SGSM2: variants seen among roughly 807,000 people sequenced by gnomAD.
The protein encoded by SGSM2 is RUN and TBC1 domain containing 1.
In SGSM2, 89 loss-of-function variants were observed where a neutral mutation model predicts 126.6. The observed-to-expected ratio is 0.70, with a 90% CI of 0.59 to 0.84. The LOEUF (loss-of-function observed/expected upper bound fraction) is 0.84. Among genes scored for constraint, SGSM2 ranks in the 40% least tolerant of loss-of-function variants. The pLI is 0.00. For synonymous variants in SGSM2, 614 were observed against 574.3 expected, an observed-to-expected ratio of 1.07 and a Z score of -0.99; for missense variants, 1,404 against 1,416.6, an observed-to-expected ratio of 0.99 and a Z score of 0.14.
Position 2,363,217 on chromosome 17 carries a change from G to A in SGSM2, c.672+83G>A. On this transcript the variant is annotated intron_variant, in intron 6 of 23. Transcript: ENST00000268989. The surrounding 1 kb of genome is among the most constrained non-coding windows in gnomAD (Gnocchi z 4.2). The stretch of plus-strand genomic sequence containing the variant: ...GGACGGGAAACCGGCCTCTCTACGG[G>A]ACAGGCCTTGGAGATGCCCCAAGGT... The A allele has an allele frequency of 6.7e-7, 1 of 1,481,810 alleles. No homozygotes were observed. The highest frequency in any genetic ancestry group is 9.0e-7 in the Non-Finnish European group (1 of 1,113,708). The allele number at this position is 1,481,810 out of a possible 1,614,324, so 91.8% of individuals were successfully genotyped here. A position where few individuals can be genotyped will look rare whatever the true frequency, so the allele number is the denominator to read the frequency against.
intron 2 of SGSM2, among the ~76,000 whole-genome samples, chr17:2,350,788 C>T (rs2064812229): frequency 6.6e-6 from 1 of 152,194 alleles, no homozygotes; most frequent in Non-Finnish European, 1.5e-5. Flanking sequence ...CTGCATTCAT[C>T]AGTCCCCTTC....
Position 2,362,360 on chromosome 17 carries a change from T to C in SGSM2, c.458+90T>C. 2.2e-6 allele frequency: 3 copies of C among 1,371,600 alleles called. No homozygotes were observed. Among genetic ancestry groups the C allele is most frequent in the Non-Finnish European group, 2.9e-6 (3 of 1,028,118 alleles). 85.0% of individuals were successfully genotyped at this position (1,371,600 alleles called of 1,614,324 possible). A position where few individuals can be genotyped will look rare whatever the true frequency, so the allele number is the denominator to read the frequency against. The stretch of plus-strand genomic sequence containing the variant: ...CGCCCCGTTCCCCAAAAACTGCAGG[T>C]GACCGCCCCGTTCCCCAAAAACTGC... On this transcript the variant is annotated intron_variant, in intron 4 of 23. Transcript: ENST00000268989. This position sits in a 1 kb window ranked among gnomAD's most constrained non-coding sequence, Gnocchi z 4.9.
intron 2 of SGSM2, among the ~76,000 whole-genome samples, chr17:2,358,908 G>A (rs1318246747): frequency 7.6e-6 from 1 of 131,952 alleles, no homozygotes. Context: ...ACAAAGTCTC[G>A]CTGTGTTCCC....
Position 2,347,484 on chromosome 17 carries a change from CCTTTTTATCTT to C in SGSM2, c.133+3865_133+3875del, listed in dbSNP as rs2064650547. 1.1e-4 allele frequency among the ~76,000 whole-genome samples: 16 copies of C among 150,722 alleles called. No homozygotes were observed. The South Asian group carries it at 3.2e-3, about 30-fold the overall frequency. ...AGAGGTCTTTGATATATCCTTTTAT[CCTTTTTATCTT>C]AAAACATCACATCAAGTTTACATTT... is the stretch of plus-strand genomic sequence containing the variant. On this transcript the variant is annotated intron_variant, in intron 2 of 23. Coordinates refer to ENST00000268989, the MANE Select transcript of SGSM2 (RefSeq NM_014853.3).
rs1258488637 is a variant in SGSM2 at position 2,378,951 on chromosome 17, T to C, written c.2900-85T>C. The C allele has an allele frequency of 6.1e-6, 9 of 1,479,332 alleles. No individual in the cohort carries two copies. The East Asian group carries it at 2.2e-4, about 37-fold the overall frequency. The allele number at this position is 1,479,332 out of a possible 1,614,324, so 91.6% of individuals were successfully genotyped here. Reference sequence around the variant, plus strand: ...CTCAGCCTCAGCCTCAGCCCCAGCCTCAATCCCAGCCTCAGCCTCAATCCC... The same window carrying C: ...CTCAGCCTCAGCCTCAGCCCCAGCCCCAATCCCAGCCTCAGCCTCAATCCC... On this transcript the variant is annotated intron_variant, in intron 22 of 23. Transcript: ENST00000268989.
chr17:2,376,172 C>T lies in SGSM2; in HGVS notation c.2520C>T (p.His840=), dbSNP rs777143941. The change falls in exon 19 of 24, where the codon CAC becomes CAT. Residue 840 remains histidine (H), a synonymous_variant. Coordinates refer to ENST00000268989, the MANE Select transcript of SGSM2 (RefSeq NM_014853.3). ...ELLDTVALNL[H]RIDKDVQRCD... ...TGGACACTGTGGCCTTAAACCTGCA[C>T]CGCATAGACAAGGATGTGCAGAGGT... The T allele has an allele frequency of 3.0e-5, 48 of 1,614,144 alleles. No individual in the cohort carries two copies. Among genetic ancestry groups the T allele is most frequent in the Non-Finnish European group, 3.9e-5 (46 of 1,180,028 alleles).
chr17:2,361,544 CCCTTG>C (rs2065308580), intron 2 of SGSM2, 88 bp from the exon 3 acceptor site: 2 of 1,497,686 alleles, frequency 1.3e-6, no homozygotes, highest in Non-Finnish European at 1.8e-6. Context: ...TTGCCCTTAC[CCCTTG>C]CCTCACCACA....
At chr17:2,364,470 G>GCACCTCTTGGCTATGGT in intron 8 of SGSM2, 126 bp from the exon 9 acceptor site, 2 of 1,035,290 alleles carry the variant, frequency 1.9e-6, no homozygotes, top group South Asian at 2.8e-5. Flanking sequence ...CTGGCTGTGT[G>GCACCTCTTGGCTATGGT]CACCTCTTGG....
rs766852427 is a variant in SGSM2, at chr17:2,379,424, C to T, written c.3068-8C>T. 4.3e-6 allele frequency: 7 copies of T among 1,610,784 alleles called. No individual in the cohort carries two copies. The highest frequency in any genetic ancestry group is 5.9e-6 in the Non-Finnish European group (7 of 1,177,632). ...GGCCTCTCTACAGCTCTTCACGTTT[C>T]CCCCCAGAACGTGCTGAGCATCACG... On this transcript the variant is annotated splice_region_variant and splice_polypyrimidine_tract_variant and intron_variant, in intron 23 of 23. Transcript: ENST00000268989.
chr17:2,361,828 T>A, intron 3 of SGSM2, 29 bp downstream of exon 3: 1 of 1,561,748 alleles, frequency 6.4e-7, no homozygotes, highest in Non-Finnish European at 8.7e-7. Flanking sequence ...CCTTCTTCCC[T>A]CCTTTCAGCT....
Position 2,376,597 on chromosome 17 carries a change from G to A in SGSM2, c.2610-136G>A, listed in dbSNP as rs549019480. 2.8e-5 allele frequency: 26 copies of A among 941,240 alleles called. No homozygotes were observed. The South Asian group carries it at 3.5e-4, about 13-fold the overall frequency. 58.3% of individuals were successfully genotyped at this position (941,240 alleles called of 1,614,324 possible). ...TGTTCCCCGTTGTCTCCCTGTGGGG[G>A]GTGCACAGTACATGCCTTAGGGTCG... On this transcript the variant is annotated intron_variant, in intron 19 of 23. Coordinates refer to ENST00000268989, the MANE Select transcript of SGSM2 (RefSeq NM_014853.3).
intron 2 of SGSM2, among the ~76,000 whole-genome samples, chr17:2,352,503 C>G (rs1174648406): frequency 6.6e-6 from 1 of 152,168 alleles, no homozygotes; most frequent in Non-Finnish European, 1.5e-5. Context: ...ATTCCCAACT[C>G]CGGGCCCAGC....
rs1424450016 is a variant in SGSM2, at chr17:2,380,121, G to A, written c.*601G>A. On this transcript the variant is annotated 3_prime_UTR_variant, in exon 24 of 24. Coordinates refer to ENST00000268989, the MANE Select transcript of SGSM2 (RefSeq NM_014853.3). ...GGGGCAGTCGGAAGATGTGGGCCCTGGGTGGGAGCAGCCCACTTCAGCAGC... is the reference window on the plus strand; with the variant it reads ...GGGGCAGTCGGAAGATGTGGGCCCTAGGTGGGAGCAGCCCACTTCAGCAGC... 1.4e-6 allele frequency: 2 copies of A among 1,405,160 alleles called. No homozygotes were observed. The highest frequency in any genetic ancestry group is 1.5e-5 in the African/African-American group (1 of 68,254). The allele number at this position is 1,405,160 out of a possible 1,614,324, so 87.0% of individuals were successfully genotyped here.
intron 18 of SGSM2, 102 bp downstream of exon 18, chr17:2,375,977 C>G: frequency 1.3e-6 from 2 of 1,505,114 alleles, no homozygotes; most frequent in Non-Finnish European, 1.8e-6. Context: ...GGCGCCCTGA[C>G]TGCCCTGGAA....
At chr17:2,377,197 T>C (rs2066206601) in intron 21 of SGSM2, 129 bp downstream of exon 21, 2 of 658,310 alleles carry the variant, frequency 3.0e-6, no homozygotes, top group Admixed American at 3.1e-5. Flanking sequence ...TTAAAAGACA[T>C]GGTTTCAGCA....
chr17:2,347,750 C>T (rs1187959476), intron 2 of SGSM2, among the ~76,000 whole-genome samples: 1 of 151,868 alleles, frequency 6.6e-6, no homozygotes, highest in Non-Finnish European at 1.5e-5. Context: ...ACTGGGATTA[C>T]AGGTGCATAC....
Position 2,376,323 on chromosome 17 carries a change from G to A in SGSM2, c.2609+62G>A, listed in dbSNP as rs549742296. 320 of 1,534,854 alleles carry A rather than the reference G, an allele frequency of 2.1e-4. 5 individuals are homozygous for A. In the South Asian group the frequency reaches 3.7e-3, roughly 18 times the overall value. On this transcript the variant is annotated intron_variant, in intron 19 of 23. Transcript: ENST00000268989. The stretch of plus-strand genomic sequence containing the variant: ...ACCCTGCCGCCAGTTACTCTGTGAA[G>A]ATGAGGTCCGGAAGGTGCCCTGCTC...
At chr17:2,370,106 G>A (rs2065794356) in intron 12 of SGSM2, among the ~76,000 whole-genome samples, 1 of 152,200 alleles carries the variant, frequency 6.6e-6, no homozygotes, top group African/African-American at 2.4e-5. Flanking sequence ...CCAGGCCCAC[G>A]CCTGCGGCAG....
Position 2,337,700 on chromosome 17 carries a change from A to G in SGSM2, c.12A>G (p.Ala4=). The change falls in exon 1 of 24, where the codon GCA becomes GCG. Residue 4 remains alanine (A), a synonymous_variant. Coordinates refer to ENST00000268989, the MANE Select transcript of SGSM2 (RefSeq NM_014853.3). This position sits in a 1 kb window ranked among gnomAD's most constrained non-coding sequence, Gnocchi z 5.1. MGS[A]EDAVKEKLLW... is the part of the protein sequence containing the mutation. ...CCTCCTGCCACACCATGGGCAGCGC[A>G]GAGGACGCAGTCAAAGAGAAACTGC... 6.5e-7 allele frequency: 1 copy of G among 1,530,014 alleles called. No homozygotes were observed. The highest frequency in any genetic ancestry group is 1.2e-5 in the South Asian group (1 of 83,266). 94.8% of individuals were successfully genotyped at this position (1,530,014 alleles called of 1,614,324 possible). A position where few individuals can be genotyped will look rare whatever the true frequency, so the allele number is the denominator to read the frequency against.
Sources: allele counts gnomAD v4.1 joint callset (sites outside exome capture counted in the v4.1 genomes callset), GRCh38; gene constraint gnomAD v4.1.1; non-coding constraint Gnocchi (gnomAD v3.1); transcripts MANE v1.5; gene names NCBI Gene and HGNC (gene_info 2026-07-23, HGNC 2026-07-21).